RGL1: variants seen among roughly 807,000 people sequenced by gnomAD.
The protein encoded by RGL1 is ral guanine nucleotide dissociation stimulator like 1, also known as ral guanine nucleotide dissociation stimulator-like 1.
A neutral mutation model predicts 95.2 loss-of-function variants in RGL1; 24 were observed. That is an observed-to-expected ratio of 0.25 (90% CI 0.18 to 0.35). The LOEUF (loss-of-function observed/expected upper bound fraction) is 0.35, where lower values mean the gene tolerates loss of function less well. Among genes scored for constraint, RGL1 ranks in the 10% least tolerant of loss-of-function variants. RGL1 has a pLI of 1.00. For missense variants in RGL1, 715 were observed against 936.3 expected, an observed-to-expected ratio of 0.76 and a Z score of 3.08; for synonymous variants, 329 against 344.9, an observed-to-expected ratio of 0.95 and a Z score of 0.51.
chr1:183,906,027 T>C (rs1416812630), intron 13 of RGL1, among the ~76,000 whole-genome samples: 2 of 152,084 alleles, frequency 1.3e-5, no homozygotes, highest in Non-Finnish European at 2.9e-5. Context: ...ACAGAAGAAG[T>C]TGGCCCATCC....
At chr1:183,870,619 G>A (rs574066295) in intron 4 of RGL1, among the ~76,000 whole-genome samples, 1 of 152,254 alleles carries the variant, frequency 6.6e-6, no homozygotes, top group African/African-American at 2.4e-5. Context: ...ATCCCTTCAA[G>A]CTTTCGGGCC....
At chr1:183,820,430 A>G (rs1264364561) in intron 2 of RGL1, among the ~76,000 whole-genome samples, 1 of 152,036 alleles carries the variant, frequency 6.6e-6, no homozygotes, top group East Asian at 1.9e-4. Flanking sequence ...TTTTACCCCC[A>G]CGAAATCTCC....
intron 1 of RGL1, chr1:183,648,658 T>C: frequency 6.2e-7 from 1 of 1,614,220 alleles, no homozygotes. Flanking sequence ...AGGGAAACTC[T>C]TGCTTCTTCA....
chr1:183,680,457 A>G (rs923733023), intron 1 of RGL1, among the ~76,000 whole-genome samples: 1 of 152,020 alleles, frequency 6.6e-6, no homozygotes, highest in Non-Finnish European at 1.5e-5. Context: ...TCCCAACACC[A>G]TTTATTAAAT....
At chr1:183,643,841 A>G (rs12044877) in intron 1 of RGL1, among the ~76,000 whole-genome samples, 12,429 of 152,196 alleles carry the variant, frequency 0.082, 999 homozygotes, top group African/African-American at 0.21. Flanking sequence ...CTTAATTTTA[A>G]CTAAACAATG....
intron 1 of RGL1, among the ~76,000 whole-genome samples, chr1:183,684,191 A>G (rs893257292): frequency 6.6e-6 from 1 of 152,068 alleles, no homozygotes. Flanking sequence ...CTCATTCTCC[A>G]TCCAGTTTTG....
Position 183,878,202 on chromosome 1 carries a change from A to G in RGL1, c.426-2414A>G, listed in dbSNP as rs372758017. Among the ~76,000 whole-genome samples, 487 of 147,514 alleles carry G rather than the reference A, an allele frequency of 3.3e-3. 1 individual carries two copies. The highest frequency in any genetic ancestry group is 0.012 in the African/African-American group (463 of 40,244). On this transcript the variant is annotated intron_variant, in intron 4 of 17. Transcript: ENST00000360851. ...TATCTATCTATCTATCTATCTGTCT[A>G]TCTTTTTTTTTGGAGATAGGGTCTC...
Position 183,672,000 on chromosome 1 carries a change from T to C in RGL1, c.-33+35499T>C, listed in dbSNP as rs367647039. ...CAGGCTGGAGTGCAGTGGCGCGATC[T>C]TGGCTCACTGCAACCTCTGCCTCCC... On this transcript the variant is annotated intron_variant, in intron 1 of 18. Coordinates refer to the RGL1 transcript ENST00000304685. 1.4e-4 allele frequency among the ~76,000 whole-genome samples: 22 copies of C among 151,908 alleles called. 1 individual carries two copies. In the East Asian group the frequency reaches 1.5e-3, roughly 11 times the overall value.
intron 8 of RGL1, 88 bp from the exon 9 acceptor site, chr1:183,891,989 A>G (rs1667450843): frequency 1.1e-6 from 1 of 930,152 alleles, no homozygotes; most frequent in African/African-American, 1.6e-5. Context: ...GTCCCTCCTT[A>G]GACATGAGTC....
intron 3 of RGL1, among the ~76,000 whole-genome samples, chr1:183,851,931 G>A (rs909406749): frequency 1.3e-5 from 2 of 152,196 alleles, no homozygotes; most frequent in Admixed American, 1.3e-4. Flanking sequence ...CTGAAGATGA[G>A]CATTTGAAAT....
upstream of RGL1, among the ~76,000 whole-genome samples, chr1:183,804,661 G>A (rs1294715010): frequency 6.6e-6 from 1 of 152,224 alleles, no homozygotes; most frequent in Non-Finnish European, 1.5e-5. Flanking sequence ...ATGCAGGAGA[G>A]GGTATAGCCC....
chr1:183,735,426 TA>T (rs1410067013), intron 1 of RGL1, among the ~76,000 whole-genome samples: 1 of 152,176 alleles, frequency 6.6e-6, no homozygotes, highest in Non-Finnish European at 1.5e-5. Flanking sequence ...ATCTATTTTT[TA>T]AAAGGGTGAT....
At chr1:183,814,194 A>C (rs1661920607) in intron 2 of RGL1, among the ~76,000 whole-genome samples, 1 of 95,834 alleles carries the variant, frequency 1.0e-5, no homozygotes. Context: ...AGTTAGTCTC[A>C]TACAGAGAGA....
chr1:183,861,561 C>A (rs930574165), intron 3 of RGL1, among the ~76,000 whole-genome samples: 2 of 152,178 alleles, frequency 1.3e-5, no homozygotes, highest in Non-Finnish European at 2.9e-5. Flanking sequence ...TAAATAATTG[C>A]TTAAGGCTGC....
chr1:183,751,677 G>A (rs1450165872), intron 2 of RGL1, among the ~76,000 whole-genome samples: 1 of 152,192 alleles, frequency 6.6e-6, no homozygotes, highest in South Asian at 2.1e-4. Context: ...GGCCCTGGTG[G>A]TGTAGGCACC....
At chr1:183,752,194 C>G (rs1166657752) in intron 2 of RGL1, among the ~76,000 whole-genome samples, 2 of 151,994 alleles carry the variant, frequency 1.3e-5, no homozygotes, top group Non-Finnish European at 2.9e-5. Flanking sequence ...TTCCCCTATT[C>G]CCTATCCTTG....
At chr1:183,655,397 A>G (rs1292817586) in intron 1 of RGL1, among the ~76,000 whole-genome samples, 1 of 152,250 alleles carries the variant, frequency 6.6e-6, no homozygotes, top group Non-Finnish European at 1.5e-5. Context: ...CCAAGTAATT[A>G]TATAATTCAT....
intron 3 of RGL1, among the ~76,000 whole-genome samples, chr1:183,854,192 G>T (rs2102557414): frequency 6.6e-6 from 1 of 152,298 alleles, no homozygotes; most frequent in East Asian, 1.9e-4. Flanking sequence ...ATATTTTGGA[G>T]AGCTGTACCC....
intron 3 of RGL1, among the ~76,000 whole-genome samples, chr1:183,856,708 T>G (rs776071659): frequency 2.0e-5 from 3 of 151,562 alleles, no homozygotes; most frequent in Non-Finnish European, 4.4e-5. Flanking sequence ...TGGACTTAGA[T>G]CTTATTTCCT....
Sources: allele counts gnomAD v4.1 joint callset (sites outside exome capture counted in the v4.1 genomes callset), GRCh38; gene constraint gnomAD v4.1.1; transcripts MANE v1.5; gene names NCBI Gene and HGNC (gene_info 2026-07-23, HGNC 2026-07-21).